Variants in LEPROTL1 observed in about 807,000 individuals in gnomAD.
LEPROTL1 encodes leptin receptor overlapping transcript like 1.
In LEPROTL1, 6 loss-of-function variants were observed where a neutral mutation model predicts 15.4. The observed-to-expected ratio is 0.39, with a 90% CI of 0.21 to 0.77. The LOEUF (loss-of-function observed/expected upper bound fraction) is 0.77. Ranked by LOEUF, LEPROTL1 falls within the 30% of genes least tolerant of loss-of-function variation. The pLI, the probability that LEPROTL1 is intolerant of heterozygous loss-of-function variation, is 0.41. For missense variants in LEPROTL1, 128 were observed against 158.1 expected (o/e 0.81, Z 1.02); for synonymous variants, 56 against 52.6 (o/e 1.06, Z -0.28).
chr8:30,131,306 G>GTA lies in LEPROTL1; in HGVS notation c.280-1054_280-1053dup, dbSNP rs146219671. ...TATATATATATATATATGTGTGTGTGTATATATATATATATACACATATAT... is the reference window on the plus strand; with the variant it reads ...TATATATATATATATATGTGTGTGTGTATATATATATATATATACACATATAT... On this transcript the variant is annotated intron_variant, in intron 3 of 4. Coordinates refer to the LEPROTL1 transcript ENST00000442880. Among the ~76,000 whole-genome samples, 198 of 141,400 alleles carry GTA rather than the reference G, an allele frequency of 1.4e-3. 1 individual carries two copies. The highest frequency in any genetic ancestry group is 4.6e-3 in the African/African-American group (179 of 38,810). The allele number at this position is 141,400 out of a possible 152,430, so 92.8% of individuals were successfully genotyped here.
chr8:30,096,461 C>T lies in LEPROTL1; in HGVS notation c.16+933C>T, dbSNP rs147817543. 1.7e-3 allele frequency: 1,516 copies of T among 902,064 alleles called. 30 individuals are homozygous for T. In the African/African-American group the frequency reaches 0.026, roughly 15 times the overall value. The allele number at this position is 902,064 out of a possible 1,614,324, so 55.9% of individuals were successfully genotyped here. ...AGTGGTTTTCTTTGTATTTTTTCTT[C>T]TCTAAGGAAAACTTAATCGAGTTTT... On this transcript the variant is annotated intron_variant, in intron 1 of 3. Transcript: ENST00000321250.
Position 30,137,653 on chromosome 8 carries a change from A to C in LEPROTL1, c.*341A>C, listed in dbSNP as rs566121936. On this transcript the variant is annotated 3_prime_UTR_variant, in exon 5 of 5. Coordinates refer to the LEPROTL1 transcript ENST00000442880. ...AAAGAAGTCTGACCTAACCAACTCCATCTTGCTTCTAACCTCCAAGCTGTC... is the reference window on the plus strand; with the variant it reads ...AAAGAAGTCTGACCTAACCAACTCCCTCTTGCTTCTAACCTCCAAGCTGTC... The C allele has an allele frequency of 1.1e-4, 68 of 632,638 alleles. No individual in the cohort carries two copies. In the South Asian group the frequency reaches 1.3e-3, roughly 12 times the overall value. 39.2% of individuals were successfully genotyped at this position (632,638 alleles called of 1,614,324 possible).
intron 3 of LEPROTL1, among the ~76,000 whole-genome samples, chr8:30,115,817 A>G (rs1214501583): frequency 1.3e-5 from 2 of 152,140 alleles, no homozygotes; most frequent in African/African-American, 4.8e-5. Flanking sequence ...GCAAAGATCT[A>G]TAAAAATTTT....
intron 3 of LEPROTL1, chr8:30,117,364 A>G (rs1368434978): frequency 9.2e-7 from 1 of 1,090,264 alleles, no homozygotes; most frequent in Non-Finnish European, 1.4e-6. Context: ...TTGTTTGTAA[A>G]TATATGCTGC....
intron 3 of LEPROTL1, among the ~76,000 whole-genome samples, chr8:30,120,005 G>T (rs1291083176): frequency 4.6e-5 from 7 of 152,210 alleles, no homozygotes; most frequent in African/African-American, 1.7e-4. Context: ...GGAGGCAGAG[G>T]TTGCAGTGAG....
chr8:30,123,805 G>A (rs1373128538), intron 3 of LEPROTL1, among the ~76,000 whole-genome samples: 1 of 152,178 alleles, frequency 6.6e-6, no homozygotes, highest in Non-Finnish European at 1.5e-5. Context: ...GAGGAGATGG[G>A]AATGATGGCA....
At chr8:30,100,403 G>T (rs750532950) in intron 1 of LEPROTL1, among the ~76,000 whole-genome samples, 12 of 152,166 alleles carry the variant, frequency 7.9e-5, no homozygotes, top group Non-Finnish European at 1.6e-4. Flanking sequence ...CACTGTAACT[G>T]TAGAAATACA....
intron 3 of LEPROTL1, among the ~76,000 whole-genome samples, chr8:30,125,153 A>G (rs1254226595): frequency 6.6e-6 from 1 of 152,222 alleles, no homozygotes; most frequent in East Asian, 1.9e-4. Flanking sequence ...CTGAAGAAAA[A>G]GGTGCAGCAA....
chr8:30,137,249 A>G, intron 4 of LEPROTL1: 1 of 1,518,752 alleles, frequency 6.6e-7, no homozygotes, highest in East Asian at 2.5e-5. Flanking sequence ...GACTGTAATT[A>G]GCTCTTGATT....
Position 30,099,534 on chromosome 8 carries a change from G to A in LEPROTL1, c.17-2364G>A, listed in dbSNP as rs137930389. Among the ~76,000 whole-genome samples, 73 of 151,192 alleles carry A rather than the reference G, an allele frequency of 4.8e-4. No individual in the cohort carries two copies. The East Asian group carries it at 0.01, about 21-fold the overall frequency. On this transcript the variant is annotated intron_variant, in intron 1 of 3. Coordinates refer to ENST00000321250, the MANE Select transcript of LEPROTL1 (RefSeq NM_015344.3). ...GGAGGATGGCTTGAACCTGGGAGGC[G>A]GAGGTTGCAGTGAGTCAAGATCGCG...
chr8:30,102,333 T>TAAA (rs11463597), intron 2 of LEPROTL1, among the ~76,000 whole-genome samples: 12,649 of 150,406 alleles, frequency 0.084, 591 homozygotes, highest in East Asian at 0.23. Flanking sequence ...AAAACACAAT[T>TAAA]AAAAAAAAAG....
intron 4 of LEPROTL1, among the ~76,000 whole-genome samples, chr8:30,133,118 T>C (rs533027485): frequency 3.5e-4 from 53 of 152,168 alleles, no homozygotes; most frequent in Non-Finnish European, 7.1e-4. Flanking sequence ...GGTCTCACTA[T>C]GTTGCCCAGG....
At chr8:30,111,357 T>G (rs150100297), downstream of LEPROTL1, among the ~76,000 whole-genome samples, 7 of 152,338 alleles carry the variant, frequency 4.6e-5, no homozygotes, top group African/African-American at 1.7e-4. Flanking sequence ...ATTAAATAAT[T>G]TATTATCAAC....
intron 3 of LEPROTL1, among the ~76,000 whole-genome samples, chr8:30,131,112 GA>G (rs1402441525): frequency 2.0e-5 from 3 of 151,200 alleles, no homozygotes; most frequent in Non-Finnish European, 2.9e-5. Flanking sequence ...TTTTTTAGCA[GA>G]TGGGGTCTCC....
intron 2 of LEPROTL1, among the ~76,000 whole-genome samples, chr8:30,102,259 A>G (rs913921904): frequency 1.3e-5 from 2 of 152,132 alleles, no homozygotes; most frequent in African/African-American, 4.8e-5. Flanking sequence ...TTTAACATCT[A>G]TTGATAATAC....
intron 3 of LEPROTL1, among the ~76,000 whole-genome samples, chr8:30,119,003 C>G (rs1802784994): frequency 1.3e-5 from 2 of 152,104 alleles, no homozygotes; most frequent in African/African-American, 4.8e-5. Context: ...TCAGGTCTTT[C>G]CCATCCCCCG....
At chr8:30,117,300 C>A in intron 3 of LEPROTL1, 1 of 708,150 alleles carries the variant, frequency 1.4e-6, no homozygotes, top group Non-Finnish European at 2.3e-6. Context: ...CCAGCCTGGA[C>A]AAAATAGTGA....
chr8:30,113,795 C>T (rs1802691333), intron 3 of LEPROTL1, among the ~76,000 whole-genome samples: 1 of 152,128 alleles, frequency 6.6e-6, no homozygotes, highest in Non-Finnish European at 1.5e-5. Flanking sequence ...CATGGCTGGC[C>T]GTCCAGCCAG....
chr8:30,118,590 A>G (rs1365260541), intron 3 of LEPROTL1, among the ~76,000 whole-genome samples: 1 of 152,202 alleles, frequency 6.6e-6, no homozygotes, highest in Non-Finnish European at 1.5e-5. Flanking sequence ...GAGACTGAGA[A>G]AAGAAATTAA....
Sources: allele counts gnomAD v4.1 joint callset (sites outside exome capture counted in the v4.1 genomes callset), GRCh38; gene constraint gnomAD v4.1.1; transcripts MANE v1.5; gene names NCBI Gene and HGNC (gene_info 2026-07-23, HGNC 2026-07-21).